KNL1: variants seen among roughly 807,000 people sequenced by gnomAD.
KNL1 encodes the protein kinetochore scaffold 1.
Under a neutral mutation model 201.3 loss-of-function variants are expected in KNL1, and 66 were observed. That is an observed-to-expected ratio of 0.33 (90% CI 0.27 to 0.40). The LOEUF (loss-of-function observed/expected upper bound fraction) is 0.40, where lower values mean the gene tolerates loss of function less well. Among genes scored for constraint, KNL1 ranks in the 10% least tolerant of loss-of-function variants. The pLI is 1.00. For synonymous variants in KNL1, 895 were observed against 899.2 expected (o/e 1.00, Z 0.08); for missense variants, 2,815 against 2,690.5 (o/e 1.05, Z -1.02).
At chr15:40,640,858 A>G (rs1893205991) in intron 13 of KNL1, 54 bp from the exon 14 acceptor site, 1 of 1,035,436 alleles carries the variant, frequency 9.7e-7, no homozygotes, top group African/African-American at 1.6e-5. Context: ...TAATTCTTAT[A>G]TATGGTTTTG....
At chr15:40,604,147 ATCATC>A (rs1280834936) in intron 2 of KNL1, among the ~76,000 whole-genome samples, 1 of 151,784 alleles carries the variant, frequency 6.6e-6, no homozygotes, top group Non-Finnish European at 1.5e-5. Context: ...CATCATCATC[ATCATC>A]TCATCTAGGG....
rs947109104 is a variant in KNL1, at chr15:40,600,675, G to A, written c.-17-2240G>A. Among the ~76,000 whole-genome samples, 12 of 152,310 alleles carry A rather than the reference G, an allele frequency of 7.9e-5. No homozygotes were observed. The South Asian group carries it at 8.3e-4, about 11-fold the overall frequency. On this transcript the variant is annotated intron_variant, in intron 1 of 25. Coordinates refer to ENST00000399668, the MANE Select transcript of KNL1 (RefSeq NM_144508.5). ...TGTTTATGTGTATTGTATTAATTTA[G>A]TGTTGTGGTGGAAATGCTAATATGG...
chr15:40,633,145 A>C (rs1238370679), intron 13 of KNL1, among the ~76,000 whole-genome samples: 1 of 152,078 alleles, frequency 6.6e-6, no homozygotes, highest in Non-Finnish European at 1.5e-5. Flanking sequence ...CCTGGCCAAC[A>C]TGGTGAAACC....
At chr15:40,603,959 A>G (rs926099129) in intron 2 of KNL1, among the ~76,000 whole-genome samples, 2 of 152,180 alleles carry the variant, frequency 1.3e-5, no homozygotes, top group Non-Finnish European at 1.5e-5. Flanking sequence ...GGTTTTTGCC[A>G]TAGCAATGGT....
In KNL1 at chr15:40,620,768, T is replaced by A. The variant is rs758234169; in HGVS notation, c.504T>A (p.Asn168Lys). Residue 168 changes from asparagine (N) to lysine (K), a missense_variant, in exon 10 of 26, where the codon AAT becomes AAA. Coordinates refer to ENST00000399668, the MANE Select transcript of KNL1 (RefSeq NM_144508.5). The part of the protein sequence containing the change: ...TVMITKGLLD[N>K]PISEKSTKID... ...TGATTACCAAAGGCCTTTTAGATAA[T>A]CCCATAAGTGAAAAGTCCACCAAGA... 1.2e-5 allele frequency: 20 copies of A among 1,613,342 alleles called. No individual in the cohort carries two copies. Among genetic ancestry groups the A allele is most frequent in the Non-Finnish European group, 1.7e-5 (20 of 1,179,742 alleles).
chr15:40,621,867 A>T lies in KNL1; in HGVS notation c.1603A>T (p.Asn535Tyr), dbSNP rs773049975. The change falls in exon 10 of 26, where the codon AAT becomes TAT. Residue 535 changes from asparagine (N) to tyrosine (Y), a missense_variant. By Grantham distance (143) the Asn-to-Tyr change is moderately radical. Coordinates refer to ENST00000399668, the MANE Select transcript of KNL1 (RefSeq NM_144508.5). ...TTSEDGKMNV[N>Y]CNSVPHVSKE... ...ATCAGAAGATGGGAAAATGAATGTA[A>T]ATTGTAACTCAGTTCCTCATGTATC... 9.3e-6 allele frequency: 15 copies of T among 1,614,126 alleles called. No homozygotes were observed. The highest frequency in any genetic ancestry group is 1.3e-5 in the Non-Finnish European group (15 of 1,179,992).
In KNL1 at chr15:40,629,303, G is replaced by A; in HGVS notation, c.5614G>A (p.Glu1872Lys). The change falls in exon 13 of 26, where the codon GAG (glutamate) becomes AAG (lysine). Residue 1872 changes from glutamate to lysine, a missense_variant. This residue lies in a region of KNL1 where 2,464 missense variants were observed against 2,291.7 expected (regional missense o/e 1.08). Coordinates refer to ENST00000399668, the MANE Select transcript of KNL1 (RefSeq NM_144508.5). ...KLQDGRITIR[E>K]FFILLQVHIL... ...CCAAGATGGGAGAATAACAATAAGGGAGTTCTTTATACTTCTCCAGGTCCA... is the reference window on the plus strand; with the variant it reads ...CCAAGATGGGAGAATAACAATAAGGAAGTTCTTTATACTTCTCCAGGTCCA... The A allele has an allele frequency of 1.9e-6, 3 of 1,600,158 alleles. No homozygotes were observed. Among genetic ancestry groups the A allele is most frequent in the Non-Finnish European group, 2.5e-6 (3 of 1,176,786 alleles).
At chr15:40,628,398 A>G (rs1229654257) in intron 11 of KNL1, among the ~76,000 whole-genome samples, 190 bp downstream of exon 11, 1 of 152,238 alleles carries the variant, frequency 6.6e-6, no homozygotes, top group African/African-American at 2.4e-5. Flanking sequence ...GACATACTAC[A>G]GAGAAATAGA....
chr15:40,598,877 C>CACTG (rs1221181383), intron 1 of KNL1, among the ~76,000 whole-genome samples: 1 of 151,990 alleles, frequency 6.6e-6, no homozygotes, highest in Non-Finnish European at 1.5e-5. Context: ...GATCACGGCT[C>CACTG]ACTGCACCAC....
Position 40,658,970 on chromosome 15 carries a change from A to G in KNL1, c.6714-369A>G, listed in dbSNP as rs192765243. Among the ~76,000 whole-genome samples the G allele has an allele frequency of 2.8e-4, 42 of 150,282 alleles. 1 individual carries two copies. Among genetic ancestry groups the G allele is most frequent in the Middle Eastern group, 7.0e-3 (2 of 284 alleles). On this transcript the variant is annotated intron_variant, in intron 24 of 25. Coordinates refer to ENST00000399668, the MANE Select transcript of KNL1 (RefSeq NM_144508.5). Reference sequence around the variant, plus strand: ...AAAAGAAAAGAAATAATGTATGCCTAACTTGGACATGCCAGCGTAAAAATA... The same window carrying G: ...AAAAGAAAAGAAATAATGTATGCCTGACTTGGACATGCCAGCGTAAAAATA...
chr15:40,644,404 A>G (rs986119371), intron 14 of KNL1, among the ~76,000 whole-genome samples: 3 of 152,228 alleles, frequency 2.0e-5, no homozygotes, highest in Non-Finnish European at 2.9e-5. Context: ...CAAATGTACA[A>G]TCGAGTTTTA....
At chr15:40,640,716 CT>C (rs879328230) in intron 13 of KNL1, among the ~76,000 whole-genome samples, 195 bp from the exon 14 acceptor site, 115 of 152,290 alleles carry the variant, frequency 7.6e-4, no homozygotes, top group Middle Eastern at 6.8e-3. Flanking sequence ...CCAGTAAAAT[CT>C]ATGGGGAAAG....
In KNL1 at chr15:40,621,123, C is replaced by T. The variant is rs1368476638; in HGVS notation, c.859C>T (p.His287Tyr). The change falls in exon 10 of 26, where the codon CAT becomes TAT. Residue 287 changes from histidine (H) to tyrosine (Y), a missense_variant. Around this residue, in one of 3 missense-constraint regions of KNL1, gnomAD observed 2,464 missense variants for 2,291.7 expected, o/e 1.08. Transcript: ENST00000399668. ...TGATGGGATGAATTTCACCCAGTGT[C>T]ATACAGCCAATATTCAGACATTGAT... is the stretch of plus-strand genomic sequence containing the variant. ...KDDGMNFTQC[H>Y]TANIQTLIPT... is the part of the protein sequence containing the mutation. The T allele has an allele frequency of 6.8e-6, 11 of 1,613,724 alleles. No individual in the cohort carries two copies. In the Admixed American group the frequency reaches 1.7e-4, roughly 24 times the overall value.
At chr15:40,659,894 A>ATGTGTGTGTGTGTGTGTG (rs776409302) in intron 25 of KNL1, among the ~76,000 whole-genome samples, 11 of 146,972 alleles carry the variant, frequency 7.5e-5, no homozygotes, top group African/African-American at 2.5e-4. Flanking sequence ...TGAAGAATTT[A>ATGTGTGTGTGTGTGTGTG]TGTGTGTGTG....
chr15:40,633,201 T>C (rs1892964003), intron 13 of KNL1, among the ~76,000 whole-genome samples: 1 of 151,474 alleles, frequency 6.6e-6, no homozygotes, highest in East Asian at 2.0e-4. Flanking sequence ...TGATGGCGCG[T>C]GCCTGGAGTC....
intron 16 of KNL1, among the ~76,000 whole-genome samples, chr15:40,646,461 A>G (rs1444816628): frequency 6.6e-6 from 1 of 151,932 alleles, no homozygotes; most frequent in Non-Finnish European, 1.5e-5. Context: ...TTATAAAATA[A>G]ACATTTTATT....
chr15:40,662,180 TACCACTAGACCCTTGG>T lies in KNL1; in HGVS notation c.6949_*13del, dbSNP rs1382925318. 1 of 1,575,508 alleles carries T rather than the reference TACCACTAGACCCTTGG, an allele frequency of 6.3e-7. No homozygotes were observed. The highest frequency in any genetic ancestry group is 1.4e-5 in the African/African-American group (1 of 74,022). ...AGATCTGTTTCAGGACTGCCATTTC[TACCACTAGACCCTTGG>T]ACCACCATTGGAACAACCAAGCAGA... is the stretch of plus-strand genomic sequence containing the variant. On this transcript the variant is annotated stop_lost and 3_prime_UTR_variant, in exon 26 of 26. Transcript: ENST00000399668.
chr15:40,612,945 G>C (rs1892219764), intron 7 of KNL1, among the ~76,000 whole-genome samples: 1 of 152,152 alleles, frequency 6.6e-6, no homozygotes, highest in African/African-American at 2.4e-5. Flanking sequence ...CATGCCCTTT[G>C]ACTTCAGTTT....
chr15:40,621,922 A>C lies in KNL1; in HGVS notation c.1658A>C (p.Asn553Thr). 2 of 1,613,664 alleles carry C rather than the reference A, an allele frequency of 1.2e-6. No homozygotes were observed. The highest frequency in any genetic ancestry group is 3.3e-5 in the Admixed American group (2 of 59,954). ...SKERIQQSLS[N>T]PLSISLTDRK... is the part of the protein sequence containing the mutation. Reference sequence around the variant, plus strand: ...GAAAGAATACAGCAGAGCCTGTCAAATCCTTTGTCTATTTCATTGACTGAT... The same window carrying C: ...GAAAGAATACAGCAGAGCCTGTCAACTCCTTTGTCTATTTCATTGACTGAT... Residue 553 changes from asparagine to threonine, a missense_variant, in exon 10 of 26, where the codon AAT (asparagine) becomes ACT (threonine). Asn to Thr is a moderately conservative substitution (Grantham distance 65, BLOSUM62 0). Transcript: ENST00000399668.
Sources: gnomAD v4.1 joint callset for allele counts (sites outside exome capture counted in the v4.1 genomes callset) on GRCh38, gnomAD v4.1.1 for gene constraint, gnomAD v4.1.1 regional missense constraint, MANE v1.5 for transcripts, NCBI Gene and HGNC (gene_info 2026-07-23, HGNC 2026-07-21) for gene names.